The following AK6 variants were observed in gnomAD, a reference collection of about 807,000 sequenced individuals.
AK6 encodes the protein adenylate kinase isoenzyme 6.
A neutral mutation model predicts 23.7 loss-of-function variants in AK6; 24 were observed. The observed-to-expected ratio is 1.01, with a 90% confidence interval of 0.73 to 1.43. AK6 has a LOEUF of 1.43. Among genes scored for constraint, AK6 ranks in the 40% most tolerant of loss-of-function variants. The pLI, the probability that AK6 is intolerant of heterozygous loss-of-function variation, is 0.00. For synonymous variants in AK6, 73 were observed against 69.8 expected, an observed-to-expected ratio of 1.05 and a Z score of -0.23; for missense variants, 191 against 199.1, an observed-to-expected ratio of 0.96 and a Z score of 0.24.
Position 69,355,651 on chromosome 5 carries a change from T to C in AK6, c.324A>G (p.Thr108=). The change falls in exon 4 of 5, where the codon ACA becomes ACG. Residue 108 remains threonine (T), a splice_region_variant and synonymous_variant. Transcript: ENST00000380822. ...DTNVLYERLE[T]RGYNEKKLTD... ...ATCTAATGTTTTTCCTTTCTTACCT[T>C]GTTTCAAGTCTTTCGTACAATACAT... The C allele has an allele frequency of 6.3e-7, 1 of 1,592,070 alleles. No individual in the cohort carries two copies. The highest frequency in any genetic ancestry group is 1.2e-5 in the South Asian group (1 of 86,146).
At chr5:69,367,952 C>A (rs1442373718) in intron 1 of AK6, 1 of 152,138 alleles carries the variant, frequency 6.6e-6, no homozygotes, top group Admixed American at 6.5e-5. Flanking sequence ...ATCGCTTAAG[C>A]GCAGGAGTTC....
chr5:69,361,907 A>G (rs995429663), intron 2 of AK6, among the ~76,000 whole-genome samples: 2 of 150,618 alleles, frequency 1.3e-5, no homozygotes, highest in Non-Finnish European at 3.0e-5. Context: ...ATGCTGGGCC[A>G]AAGTGCTGGA....
intron 2 of AK6, among the ~76,000 whole-genome samples, chr5:69,361,441 GTTTTC>G (rs995133253): frequency 1.3e-5 from 2 of 150,446 alleles, no homozygotes; most frequent in Non-Finnish European, 3.0e-5. Context: ...CTCTTTAATA[GTTTTC>G]TTTTTTTTTT....
rs186465297 is a variant in AK6 at position 69,359,204 on chromosome 5, T to G, written c.122-3251A>C. On this transcript the variant is annotated intron_variant, in intron 2 of 4. Transcript: ENST00000380822. Reference sequence around the variant, plus strand: ...CCAGGATTGCACCACTGTATTCCAGTTAGGGTGACAGTGATACCTTGTCTC... The same window carrying G: ...CCAGGATTGCACCACTGTATTCCAGGTAGGGTGACAGTGATACCTTGTCTC... Among the ~76,000 whole-genome samples, 555 of 152,100 alleles carry G rather than the reference T, an allele frequency of 3.6e-3. 3 individuals carry two copies. Among genetic ancestry groups the G allele is most frequent in the Non-Finnish European group, 3.8e-3 (257 of 67,976 alleles).
intron 2 of AK6, chr5:69,365,363 T>C (rs1762376324): frequency 1.9e-6 from 3 of 1,614,094 alleles, no homozygotes; most frequent in African/African-American, 2.7e-5. Flanking sequence ...GCCTATAGTT[T>C]GGAGCTGTTA....
At chr5:69,353,198 C>A (rs1761993330) in intron 4 of AK6, among the ~76,000 whole-genome samples, 2 of 151,938 alleles carry the variant, frequency 1.3e-5, no homozygotes, top group South Asian at 4.2e-4. Context: ...ATAGACAAAT[C>A]CATAAAGACA....
At chr5:69,363,698 G>A (rs1762304544) in intron 2 of AK6, among the ~76,000 whole-genome samples, 2 of 151,816 alleles carry the variant, frequency 1.3e-5, no homozygotes, top group African/African-American at 2.4e-5. Flanking sequence ...GCAGGACAAT[G>A]GCGTGAACCT....
intron 2 of AK6, among the ~76,000 whole-genome samples, chr5:69,361,695 A>G (rs111811664): frequency 1.1e-4 from 16 of 150,984 alleles, no homozygotes; most frequent in Non-Finnish European, 2.2e-4. Flanking sequence ...GCCTCCGCCT[A>G]ACGGGTTCAA....
At chr5:69,361,118 T>C (rs1238810612) in intron 2 of AK6, among the ~76,000 whole-genome samples, 1 of 152,110 alleles carries the variant, frequency 6.6e-6, no homozygotes, top group Non-Finnish European at 1.5e-5. Context: ...ACTGGAAGAA[T>C]AGCAATAAGA....
chr5:69,365,628 T>C lies in AK6; in HGVS notation c.121+875A>G, dbSNP rs376244246. 39 of 1,614,134 alleles carry C rather than the reference T, an allele frequency of 2.4e-5. No homozygotes were observed. The East Asian group carries it at 2.9e-4, about 12-fold the overall frequency. ...TCGGAAGGCAAACTCCAACATCTGA[T>C]TTATAACTCTTGGCTCATATTCTGT... On this transcript the variant is annotated intron_variant, in intron 2 of 4. Transcript: ENST00000380822.
chr5:69,363,294 A>G (rs1261911366), intron 2 of AK6, among the ~76,000 whole-genome samples: 2 of 152,174 alleles, frequency 1.3e-5, no homozygotes, highest in African/African-American at 2.4e-5. Flanking sequence ...AGTGCCTTAT[A>G]CTGGATTGTC....
At chr5:69,369,074 C>G (rs544422947) in intron 1 of AK6, 1 of 295,292 alleles carries the variant, frequency 3.4e-6, no homozygotes, top group East Asian at 6.9e-5. Context: ...ATGACTCTAC[C>G]GGGAAGCAGA....
chr5:69,360,717 A>G (rs912017672), intron 2 of AK6, among the ~76,000 whole-genome samples: 3 of 152,194 alleles, frequency 2.0e-5, no homozygotes, highest in Admixed American at 2.0e-4. Context: ...CAAGGCTTCC[A>G]GTGGGAGTTG....
chr5:69,369,224 C>CCA, intron 1 of AK6: 1 of 157,494 alleles, frequency 6.3e-6, no homozygotes, highest in South Asian at 1.1e-4. Flanking sequence ...CGACCTCTCT[C>CCA]CACCCCCCCC....
Position 69,352,096 on chromosome 5 carries a change from A to G in AK6, c.484T>C (p.Trp162Arg), listed in dbSNP as rs1283182620. 6.2e-7 allele frequency: 1 copy of G among 1,612,568 alleles called. No individual in the cohort carries two copies. Among genetic ancestry groups the G allele is most frequent in the African/African-American group, 1.3e-5 (1 of 74,902 alleles). The change falls in exon 5 of 5, where the codon TGG (tryptophan) becomes CGG (arginine). Residue 162 changes from tryptophan (W) to arginine (R), a missense_variant. Trp to Arg is a moderately radical substitution (Grantham distance 101). Coordinates refer to ENST00000380822, the MANE Select transcript of AK6 (RefSeq NM_016283.5). ...LENNVDQILK[W>R]IEQWIKDHNS ...TGATCTTTGATCCACTGCTCAATCCATTTCAAGATCTGATCTACATTATTT... is the reference window on the plus strand; with the variant it reads ...TGATCTTTGATCCACTGCTCAATCCGTTTCAAGATCTGATCTACATTATTT...
chr5:69,357,392 TA>T (rs1272848037), intron 2 of AK6, among the ~76,000 whole-genome samples: 1 of 152,230 alleles, frequency 6.6e-6, no homozygotes, highest in African/African-American at 2.4e-5. Context: ...ATCCTTACTT[TA>T]TACCACAAAC....
chr5:69,365,837 A>G (rs1762398287), intron 2 of AK6: 6 of 1,062,424 alleles, frequency 5.6e-6, no homozygotes, highest in Non-Finnish European at 7.7e-6. Flanking sequence ...ACTTAAAAAA[A>G]TTTTAAATCT....
At chr5:69,367,366 C>G (rs1040417500) in intron 1 of AK6, among the ~76,000 whole-genome samples, 1 of 151,604 alleles carries the variant, frequency 6.6e-6, no homozygotes, top group African/African-American at 2.4e-5. Flanking sequence ...AAAAATTAGC[C>G]GGGCGTGGTG....
rs1414397934 is a variant in AK6, at chr5:69,366,613, G to A, written c.29-18C>T. 1 of 1,564,116 alleles carries A rather than the reference G, an allele frequency of 6.4e-7. No homozygotes were observed. The highest frequency in any genetic ancestry group is 1.4e-5 in the African/African-American group (1 of 73,912). On this transcript the variant is annotated intron_variant, in intron 1 of 4. Transcript: ENST00000380822. Reference sequence around the variant, plus strand: ...TGGTGTACCTGTAAGACAAGCCACAGAAAAATACTGTTTGTGAAATACTAC... The same window carrying A: ...TGGTGTACCTGTAAGACAAGCCACAAAAAAATACTGTTTGTGAAATACTAC...
Sources: allele counts gnomAD v4.1 joint callset (sites outside exome capture counted in the v4.1 genomes callset), GRCh38; gene constraint gnomAD v4.1.1; transcripts MANE v1.5; gene names NCBI Gene and HGNC (gene_info 2026-07-23, HGNC 2026-07-21).